The following LYN variants were observed in gnomAD, a reference collection of about 807,000 sequenced individuals.
LYN encodes the protein LYN proto-oncogene, Src family tyrosine kinase.
Under a neutral mutation model 65.0 loss-of-function variants are expected in LYN, and 12 were observed. The observed-to-expected ratio is 0.18, with a 90% CI of 0.12 to 0.30. The LOEUF (loss-of-function observed/expected upper bound fraction) is 0.30, where lower values mean the gene tolerates loss of function less well. Among genes scored for constraint, LYN ranks in the 10% least tolerant of loss-of-function variants. LYN has a pLI of 1.00. For missense variants in LYN, 380 were observed against 623.2 expected, an observed-to-expected ratio of 0.61 and a Z score of 4.16; for synonymous variants, 222 against 221.2, an observed-to-expected ratio of 1.00 and a Z score of -0.03.
intron 7 of LYN, among the ~76,000 whole-genome samples, chr8:55,952,362 C>T (rs993706289): frequency 1.3e-5 from 2 of 151,918 alleles, no homozygotes; most frequent in Non-Finnish European, 2.9e-5. Flanking sequence ...AGTTCGAGAC[C>T]AGCCTGGCCA....
At chr8:55,911,117 GTAT>G (rs1585588133) in intron 1 of LYN, among the ~76,000 whole-genome samples, 1 of 5,472 alleles carries the variant, frequency 1.8e-4, no homozygotes, top group Non-Finnish European at 4.2e-4. Context: ...GTATATATAC[GTAT>G]ATATATACAC....
chr8:55,957,428 T>C (rs143195112), intron 8 of LYN, among the ~76,000 whole-genome samples: 2 of 152,302 alleles, frequency 1.3e-5, no homozygotes, highest in Admixed American at 6.5e-5. Flanking sequence ...AAAAGAAATG[T>C]AGAGGGAGGT....
At chr8:55,974,091 C>G (rs913915846) in intron 10 of LYN, among the ~76,000 whole-genome samples, 1 of 152,194 alleles carries the variant, frequency 6.6e-6, no homozygotes. Context: ...GTACCTCTTA[C>G]AGATAACGAG....
intron 1 of LYN, among the ~76,000 whole-genome samples, chr8:55,938,839 G>A (rs1358383820): frequency 5.9e-5 from 9 of 152,188 alleles, no homozygotes; most frequent in African/African-American, 9.6e-5. Context: ...ACTTGAGAGC[G>A]CACTCCTGTG....
chr8:55,897,565 C>G (rs1805152422), intron 1 of LYN, among the ~76,000 whole-genome samples: 1 of 152,126 alleles, frequency 6.6e-6, no homozygotes, highest in Non-Finnish European at 1.5e-5. Flanking sequence ...TCATATGTAT[C>G]TAAAATATTT....
intron 8 of LYN, 60 bp from the exon 9 acceptor site, chr8:55,966,655 A>C: frequency 2.7e-6 from 4 of 1,503,626 alleles, no homozygotes; most frequent in Non-Finnish European, 3.6e-6. Flanking sequence ...GGTGTGAGCC[A>C]CCTCCCCCGG....
intron 12 of LYN, among the ~76,000 whole-genome samples, chr8:56,009,131 G>C (rs533393909): frequency 1.3e-5 from 2 of 152,268 alleles, no homozygotes; most frequent in South Asian, 4.1e-4. Context: ...ATAATATGTG[G>C]TAAAATTATT....
intron 1 of LYN, among the ~76,000 whole-genome samples, chr8:55,934,671 G>C (rs1377775938): frequency 2.0e-5 from 3 of 152,172 alleles, no homozygotes; most frequent in African/African-American, 7.2e-5. Context: ...CATGAGACAT[G>C]AAGAGAAGAG....
chr8:55,934,660 G>T (rs1806373401), intron 1 of LYN, among the ~76,000 whole-genome samples: 1 of 152,190 alleles, frequency 6.6e-6, no homozygotes, highest in South Asian at 2.1e-4. Flanking sequence ...GCTCAACCCT[G>T]CATGAGACAT....
chr8:55,947,328 G>T (rs377203010), intron 3 of LYN, among the ~76,000 whole-genome samples: 1 of 152,318 alleles, frequency 6.6e-6, no homozygotes, highest in African/African-American at 2.4e-5. Context: ...CCACATCTTG[G>T]CTATTTTGAA....
At chr8:55,900,465 T>C (rs906669281) in intron 1 of LYN, among the ~76,000 whole-genome samples, 18 of 152,076 alleles carry the variant, frequency 1.2e-4, no homozygotes, top group African/African-American at 4.3e-4. Context: ...CTTGAACTCC[T>C]TGGCTCAAGT....
At chr8:55,995,669 T>C (rs1294216452) in intron 10 of LYN, among the ~76,000 whole-genome samples, 1 of 151,568 alleles carries the variant, frequency 6.6e-6, no homozygotes. Flanking sequence ...ACAGGCAAAC[T>C]GCATAGGTCG....
chr8:55,925,332 C>A (rs902103480), intron 1 of LYN, among the ~76,000 whole-genome samples: 1 of 152,084 alleles, frequency 6.6e-6, no homozygotes, highest in Non-Finnish European at 1.5e-5. Context: ...ATTATGTTGC[C>A]CAGGCTGGTC....
chr8:55,972,656 C>T (rs1281017822), intron 10 of LYN, among the ~76,000 whole-genome samples: 2 of 152,226 alleles, frequency 1.3e-5, no homozygotes, highest in African/African-American at 4.8e-5. Context: ...TCTTACCTTT[C>T]CTTCTCTATC....
chr8:55,993,700 T>C (rs1422976137), intron 10 of LYN, among the ~76,000 whole-genome samples: 4 of 152,170 alleles, frequency 2.6e-5, no homozygotes, highest in Non-Finnish European at 5.9e-5. Context: ...GTTTGGTGTA[T>C]AGTAGGTGTT....
intron 1 of LYN, among the ~76,000 whole-genome samples, chr8:55,886,519 AT>A (rs1804800318): frequency 6.6e-6 from 1 of 152,252 alleles, no homozygotes; most frequent in Admixed American, 6.5e-5. Flanking sequence ...AAGTGCTGGG[AT>A]TACAGGCATG....
At chr8:55,956,723 C>T (rs148771402) in intron 8 of LYN, among the ~76,000 whole-genome samples, 4 of 152,320 alleles carry the variant, frequency 2.6e-5, no homozygotes, top group African/African-American at 9.6e-5. Context: ...TCCAACCCCA[C>T]TGGCTCACGT....
chr8:55,997,896 A>T (rs111791264), intron 10 of LYN, among the ~76,000 whole-genome samples: 4 of 152,028 alleles, frequency 2.6e-5, no homozygotes, highest in Non-Finnish European at 4.4e-5. Context: ...CATCCTGGCT[A>T]ACATGGTGAA....
At chr8:55,948,632 T>C (rs1187808871) in intron 4 of LYN, among the ~76,000 whole-genome samples, 7 of 152,232 alleles carry the variant, frequency 4.6e-5, no homozygotes, top group African/African-American at 1.7e-4. Context: ...TTGCATTAAA[T>C]GTCACTGTGA....
Sources: allele counts gnomAD v4.1 joint callset (sites outside exome capture counted in the v4.1 genomes callset), GRCh38; gene constraint gnomAD v4.1.1; transcripts MANE v1.5; gene names NCBI Gene and HGNC (gene_info 2026-07-23, HGNC 2026-07-21).